BNC2: variants seen among roughly 807,000 people sequenced by gnomAD.
BNC2 encodes the protein zinc finger protein basonuclin-2.
BNC2 carries 20 observed loss-of-function variants against 76.3 expected under a neutral mutation model. The ratio of observed to expected loss-of-function variants is 0.26; its 90% CI spans 0.18 to 0.38. The LOEUF (loss-of-function observed/expected upper bound fraction) is 0.38. Among genes scored for constraint, BNC2 ranks in the 10% least tolerant of loss-of-function variants. BNC2 has a pLI of 1.00. For synonymous variants in BNC2, 582 were observed against 514.8 expected, an observed-to-expected ratio of 1.13 and a Z score of -1.77; for missense variants, 1,382 against 1,399.8, an observed-to-expected ratio of 0.99 and a Z score of 0.20.
chr9:16,645,444 T>C (rs529199948), intron 3 of BNC2, among the ~76,000 whole-genome samples: 36 of 152,334 alleles, frequency 2.4e-4, no homozygotes, highest in South Asian at 4.1e-4. Context: ...TAATATTCAA[T>C]AGCTTAACAA....
intron 3 of BNC2, among the ~76,000 whole-genome samples, chr9:16,627,173 G>T (rs2133675852): frequency 6.6e-6 from 1 of 152,314 alleles, no homozygotes; most frequent in South Asian, 2.1e-4. Context: ...AGTGAGGCAT[G>T]AACGGTGCAG....
intron 3 of BNC2, among the ~76,000 whole-genome samples, chr9:16,625,369 C>T (rs1244689770): frequency 7.2e-5 from 11 of 152,184 alleles, no homozygotes; most frequent in Non-Finnish European, 1.5e-5. Context: ...GCCACCTGCA[C>T]TGATTACTCC....
At chr9:16,465,356 A>G (rs189489169) in intron 5 of BNC2, among the ~76,000 whole-genome samples, 1 of 150,776 alleles carries the variant, frequency 6.6e-6, no homozygotes, top group East Asian at 2.0e-4. Context: ...GAATCGCTTG[A>G]ACCCAAAAGG....
intron 3 of BNC2, among the ~76,000 whole-genome samples, chr9:16,664,352 C>T (rs1035586060): frequency 2.6e-5 from 4 of 152,148 alleles, no homozygotes; most frequent in African/African-American, 9.7e-5. Flanking sequence ...CCCAGAATGT[C>T]TGACTCTCAC....
Position 16,728,011 on chromosome 9 carries a change from G to A in BNC2, c.130-14C>T. The A allele has an allele frequency of 6.2e-7, 1 of 1,610,466 alleles. No homozygotes were observed. The highest frequency in any genetic ancestry group is 8.5e-7 in the Non-Finnish European group (1 of 1,178,948). On this transcript the variant is annotated splice_polypyrimidine_tract_variant and intron_variant, in intron 2 of 6. Coordinates refer to ENST00000380672, the MANE Select transcript of BNC2 (RefSeq NM_017637.6). ...TGCCTCTTCTGACTGAAAAGTGAAG[G>A]TGGATTTTTTGAGCCTCTTGGCAGC...
At chr9:16,810,635 T>C (rs73649036) in intron 1 of BNC2, among the ~76,000 whole-genome samples, 7,711 of 152,254 alleles carry the variant, frequency 0.051, 648 homozygotes, top group African/African-American at 0.17. Context: ...GAAAATCATT[T>C]TAGTGGCTCT....
At position 16,417,731 on chromosome 9, in the gene BNC2, G is replaced by C. The variant is rs112023389; in HGVS notation, c.*1258C>G. On this transcript the variant is annotated 3_prime_UTR_variant, in exon 7 of 7. Coordinates refer to ENST00000380672, the MANE Select transcript of BNC2 (RefSeq NM_017637.6). ...TGTATTCATCTTTGTTCCGTAGCGG[G>C]TAATTTGGGCTTTTGTATCCTGAAA... 3.9e-4 allele frequency: 59 copies of C among 152,754 alleles called. No homozygotes were observed. The highest frequency in any genetic ancestry group is 3.4e-3 in the Middle Eastern group (1 of 294). 9.5% of individuals were successfully genotyped at this position (152,754 alleles called of 1,614,324 possible). A position where few individuals can be genotyped will look rare whatever the true frequency, so the allele number is the denominator to read the frequency against.
chr9:16,562,591 C>T (rs1265995664), intron 4 of BNC2, among the ~76,000 whole-genome samples: 3 of 152,202 alleles, frequency 2.0e-5, no homozygotes, highest in African/African-American at 7.2e-5. Flanking sequence ...ATACCTTCTA[C>T]ATACTGCTAA....
intron 3 of BNC2, among the ~76,000 whole-genome samples, chr9:16,632,340 GTAA>G (rs1821186842): frequency 6.6e-6 from 1 of 151,800 alleles, no homozygotes. Context: ...CCCACATTCG[GTAA>G]TAATTTCTTT....
At chr9:16,581,905 T>A (rs1383711380) in intron 4 of BNC2, among the ~76,000 whole-genome samples, 1 of 152,076 alleles carries the variant, frequency 6.6e-6, no homozygotes, top group African/African-American at 2.4e-5. Flanking sequence ...TCCCGGGTAT[T>A]CCTCTCAGAG....
At chr9:16,735,915 A>G (rs1480385961) in intron 2 of BNC2, among the ~76,000 whole-genome samples, 2 of 152,020 alleles carry the variant, frequency 1.3e-5, no homozygotes, top group Non-Finnish European at 2.9e-5. Context: ...AGAAAAGAAG[A>G]TTGAGATTCA....
chr9:16,855,550 T>C (rs1025465634), intron 1 of BNC2, among the ~76,000 whole-genome samples: 2 of 152,190 alleles, frequency 1.3e-5, no homozygotes, highest in East Asian at 3.9e-4. Flanking sequence ...CTTTTTTTTG[T>C]TTTTTGAGAC....
At chr9:16,670,883 C>G (rs184644579) in intron 3 of BNC2, among the ~76,000 whole-genome samples, 1 of 152,136 alleles carries the variant, frequency 6.6e-6, no homozygotes, top group Non-Finnish European at 1.5e-5. Flanking sequence ...CTCTCTGTCA[C>G]GTCTCTTATT....
At chr9:16,511,010 G>A (rs537618828) in intron 5 of BNC2, among the ~76,000 whole-genome samples, 10 of 152,148 alleles carry the variant, frequency 6.6e-5, no homozygotes, top group Non-Finnish European at 1.2e-4. Context: ...TCCACAAAAG[G>A]CAGAGAGAAG....
intron 1 of BNC2, among the ~76,000 whole-genome samples, chr9:16,739,954 A>G (rs540246424): frequency 6.6e-6 from 1 of 152,338 alleles, no homozygotes; most frequent in South Asian, 2.1e-4. Flanking sequence ...TGGAAATGTT[A>G]GAAAACAGAC....
At chr9:16,751,688 G>GTA (rs1825213601) in intron 1 of BNC2, among the ~76,000 whole-genome samples, 1 of 35,154 alleles carries the variant, frequency 2.8e-5, no homozygotes, top group Non-Finnish European at 9.4e-5. Flanking sequence ...ATATATGTAT[G>GTA]TGTGTATATA....
intron 5 of BNC2, among the ~76,000 whole-genome samples, chr9:16,520,800 T>C (rs1360620078): frequency 6.6e-6 from 1 of 152,188 alleles, no homozygotes; most frequent in Non-Finnish European, 1.5e-5. Flanking sequence ...ATAAGTTTCT[T>C]ATATCAGGCC....
At chr9:16,804,525 G>A (rs935449416) in intron 1 of BNC2, among the ~76,000 whole-genome samples, 11 of 152,136 alleles carry the variant, frequency 7.2e-5, no homozygotes, top group South Asian at 2.1e-4. Flanking sequence ...GCACATGACC[G>A]CTCATGAAAA....
At chr9:16,453,737 A>G (rs923948369) in intron 5 of BNC2, among the ~76,000 whole-genome samples, 4 of 152,144 alleles carry the variant, frequency 2.6e-5, no homozygotes, top group African/African-American at 9.7e-5. Context: ...GAACTGCTTG[A>G]ACCCCAGAGG....
Sources: gnomAD v4.1 joint callset for allele counts (sites outside exome capture counted in the v4.1 genomes callset) on GRCh38, gnomAD v4.1.1 for gene constraint, MANE v1.5 for transcripts, NCBI Gene and HGNC (gene_info 2026-07-23, HGNC 2026-07-21) for gene names.